The following UPF2 variants were observed in gnomAD, a reference collection of about 807,000 sequenced individuals.
The protein encoded by UPF2 is regulator of nonsense transcripts 2.
UPF2 carries 17 observed loss-of-function variants against 141.4 expected under a neutral mutation model. The observed-to-expected ratio is 0.12, with a 90% confidence interval of 0.08 to 0.18. UPF2 has a LOEUF of 0.18. Ranked by LOEUF, UPF2 falls within the 10% of genes least tolerant of loss-of-function variation. The probability of loss-of-function intolerance (pLI) is 1.00; values close to 1 mark genes in which losing one functional copy is unlikely to be tolerated. For missense variants in UPF2, 1,152 were observed against 1,515.9 expected (o/e 0.76, Z 3.99); for synonymous variants, 540 against 498.0 (o/e 1.08, Z -1.12).
At position 12,014,575 on chromosome 10, in the gene UPF2, T is replaced by TA. The variant is rs1198365398; in HGVS notation, c.1146-392dup. On this transcript the variant is annotated intron_variant, in intron 3 of 21. Coordinates refer to ENST00000357604, the MANE Select transcript of UPF2 (RefSeq NM_015542.4). This position sits in a 1 kb window ranked among gnomAD's most constrained non-coding sequence, Gnocchi z 5.0. ...GGTTATACAAAGAATCAATTATTCT[T>TA]AAACCTCCATGATTTGAATCAGAAA... Among the ~76,000 whole-genome samples the TA allele has an allele frequency of 6.6e-6, 1 of 152,206 alleles. No homozygotes were observed. Among genetic ancestry groups the TA allele is most frequent in the Non-Finnish European group, 1.5e-5 (1 of 68,022 alleles).
intron 3 of UPF2, 100 bp downstream of exon 3, chr10:12,028,633 ACCTGTAAGGAGC>A: frequency 9.3e-7 from 1 of 1,069,658 alleles, no homozygotes; most frequent in Non-Finnish European, 1.3e-6. Flanking sequence ...TTAAGAAATC[ACCTGTAAGGAGC>A]CCTTTTCCAT....
At position 11,965,349 on chromosome 10, in the gene UPF2, T is replaced by A. The variant is rs552708385; in HGVS notation, c.2068-1224A>T. 4.6e-5 allele frequency among the ~76,000 whole-genome samples: 7 copies of A among 152,362 alleles called. No individual in the cohort carries two copies. In the East Asian group the frequency reaches 1.3e-3, roughly 29 times the overall value. On this transcript the variant is annotated intron_variant, in intron 10 of 21. Coordinates refer to ENST00000357604, the MANE Select transcript of UPF2 (RefSeq NM_015542.4). ...CAGAACATTTTCATAATCCCTTCTATAATGCTATCTGGAATTTACCTAAAT... is the reference window on the plus strand; with the variant it reads ...CAGAACATTTTCATAATCCCTTCTAAAATGCTATCTGGAATTTACCTAAAT...
rs541233909 is a variant in UPF2 at position 11,956,146 on chromosome 10, CAAA to C, written c.2574+171_2574+173del. On this transcript the variant is annotated intron_variant, in intron 13 of 21. Transcript: ENST00000357604. The surrounding 1 kb of genome is among the most constrained non-coding windows in gnomAD (Gnocchi z 4.2). Reference sequence around the variant, plus strand: ...TGGGTGACACAGCGAGACTCAGTCTCAAAAAAAAAAAAAAAAGAGGAAAGTGTT... The same window carrying C: ...TGGGTGACACAGCGAGACTCAGTCTCAAAAAAAAAAAAAGAGGAAAGTGTT... Among the ~76,000 whole-genome samples, 2 of 85,556 alleles carry C rather than the reference CAAA, an allele frequency of 2.3e-5. No individual in the cohort carries two copies. 56.1% of individuals were successfully genotyped at this position (85,556 alleles called of 152,430 possible).
At chr10:11,962,916 G>A (rs574620330) in intron 11 of UPF2, among the ~76,000 whole-genome samples, 96 of 152,186 alleles carry the variant, frequency 6.3e-4, no homozygotes, top group African/African-American at 2.2e-3. Flanking sequence ...TAAATTAGGT[G>A]CCTCTTCTAC....
At position 11,998,087 on chromosome 10, in the gene UPF2, G is replaced by A. The variant is rs935030630; in HGVS notation, c.1759-330C>T. Among the ~76,000 whole-genome samples, 6 of 152,138 alleles carry A rather than the reference G, an allele frequency of 3.9e-5. No individual in the cohort carries two copies. Among genetic ancestry groups the A allele is most frequent in the East Asian group, 1.9e-4 (1 of 5,198 alleles). On this transcript the variant is annotated intron_variant, in intron 7 of 21. Transcript: ENST00000357604. The surrounding 1 kb of genome is among the most constrained non-coding windows in gnomAD (Gnocchi z 4.5). The stretch of plus-strand genomic sequence containing the variant: ...ACATTCACTAAAAAAGTTTAGTGTC[G>A]ACAGTCAGATTTGGTAATGTTAGGG...
chr10:11,935,113 T>C lies in UPF2; in HGVS notation c.3546+1432A>G, dbSNP rs1345979861. 6.6e-6 allele frequency among the ~76,000 whole-genome samples: 1 copy of C among 152,190 alleles called. No individual in the cohort carries two copies. Among genetic ancestry groups the C allele is most frequent in the African/African-American group, 2.4e-5 (1 of 41,454 alleles). On this transcript the variant is annotated intron_variant, in intron 19 of 21. Transcript: ENST00000357604. This position sits in a 1 kb window ranked among gnomAD's most constrained non-coding sequence, Gnocchi z 4.9. ...GTGCTAGTGGGGAGGACATCTCAGA[T>C]GCAACTTATTGTAGGGTCTTCCCTG...
intron 15 of UPF2, among the ~76,000 whole-genome samples, chr10:11,950,438 G>A (rs1236750431): frequency 6.6e-6 from 1 of 152,194 alleles, no homozygotes; most frequent in African/African-American, 2.4e-5. Context: ...GGAGTGCACT[G>A]ATTGCGGCCG....
rs1373063148 is a variant in UPF2, at chr10:11,939,897, A to G, written c.3378+2768T>C. On this transcript the variant is annotated intron_variant, in intron 18 of 21. Coordinates refer to ENST00000357604, the MANE Select transcript of UPF2 (RefSeq NM_015542.4). This position sits in a 1 kb window ranked among gnomAD's most constrained non-coding sequence, Gnocchi z 4.8. ...TTTGCTTATTCTTACAGATGTTTTA[A>G]GAAATAATTTTAAATTCATTCTGCA... 1.3e-5 allele frequency among the ~76,000 whole-genome samples: 2 copies of G among 152,208 alleles called. No homozygotes were observed. The highest frequency in any genetic ancestry group is 4.8e-5 in the African/African-American group (2 of 41,456).
intron 18 of UPF2, among the ~76,000 whole-genome samples, chr10:11,938,853 G>GCTTTTTT (rs1832889411): frequency 1.3e-5 from 1 of 79,816 alleles, no homozygotes; most frequent in African/African-American, 5.0e-5. Flanking sequence ...TTTTTTTTTT[G>GCTTTTTT]TTTTTTTTTT....
chr10:12,034,981 T>C (rs1263949265), intron 2 of UPF2, 78 bp downstream of exon 2: 1 of 1,503,358 alleles, frequency 6.7e-7, no homozygotes, highest in Non-Finnish European at 8.8e-7. Context: ...GGACGCTATA[T>C]TTCAAATAAT....
rs989834152 is a variant in UPF2 at position 12,014,281 on chromosome 10, C to A, written c.1146-97G>T. Reference sequence around the variant, plus strand: ...CATTCCATAATTTGATTTTCTCATACAAATTTAGTAAAATCTTCATTTTTA... The same window carrying A: ...CATTCCATAATTTGATTTTCTCATAAAAATTTAGTAAAATCTTCATTTTTA... On this transcript the variant is annotated intron_variant, in intron 3 of 21. Transcript: ENST00000357604. The surrounding 1 kb of genome is among the most constrained non-coding windows in gnomAD (Gnocchi z 5.0). 1.7e-6 allele frequency: 2 copies of A among 1,164,640 alleles called. No homozygotes were observed. The highest frequency in any genetic ancestry group is 2.2e-6 in the Non-Finnish European group (2 of 907,082). The allele number at this position is 1,164,640 out of a possible 1,614,324, so 72.1% of individuals were successfully genotyped here.
chr10:12,019,358 A>G lies in UPF2; in HGVS notation c.1146-5174T>C, dbSNP rs1256767442. ...ACTTCAAATCATTTTCATGCTTCCCAAAACATTCTACTTTTGACTATTTTT... is the reference window on the plus strand; with the variant it reads ...ACTTCAAATCATTTTCATGCTTCCCGAAACATTCTACTTTTGACTATTTTT... On this transcript the variant is annotated intron_variant, in intron 3 of 21. Transcript: ENST00000357604. This position sits in a 1 kb window ranked among gnomAD's most constrained non-coding sequence, Gnocchi z 4.5. Among the ~76,000 whole-genome samples, 2 of 152,254 alleles carry G rather than the reference A, an allele frequency of 1.3e-5. No individual in the cohort carries two copies. Among genetic ancestry groups the G allele is most frequent in the African/African-American group, 4.8e-5 (2 of 41,476 alleles).
chr10:12,041,705 T>C (rs1834736842), intron 1 of UPF2, among the ~76,000 whole-genome samples: 1 of 152,202 alleles, frequency 6.6e-6, no homozygotes. Context: ...ATCTCCCAGT[T>C]TCTGACTTTA....
At chr10:12,010,678 A>T (rs1029044787) in intron 4 of UPF2, among the ~76,000 whole-genome samples, 1 of 152,186 alleles carries the variant, frequency 6.6e-6, no homozygotes, top group Non-Finnish European at 1.5e-5. Context: ...ATTGAAAAAT[A>T]AAGGTCAAGA....
At chr10:11,958,150 C>T (rs797019168) in intron 12 of UPF2, among the ~76,000 whole-genome samples, 7 of 152,138 alleles carry the variant, frequency 4.6e-5, no homozygotes, top group East Asian at 1.9e-4. Flanking sequence ...CCCAGGAGTT[C>T]GAGACCAGCC....
chr10:11,928,462 C>G (rs907555558), intron 21 of UPF2, among the ~76,000 whole-genome samples: 1 of 152,106 alleles, frequency 6.6e-6, no homozygotes, highest in African/African-American at 2.4e-5. Flanking sequence ...GTAATCCCAA[C>G]ACTTTGGGAG....
intron 9 of UPF2, among the ~76,000 whole-genome samples, chr10:11,973,641 A>C (rs1009537677): frequency 6.6e-5 from 10 of 152,212 alleles, no homozygotes; most frequent in Non-Finnish European, 1.5e-4. Context: ...TTAAATAGGG[A>C]ATCCTTTCCC....
At chr10:11,990,881 G>T in intron 8 of UPF2, among the ~76,000 whole-genome samples, 1 of 147,362 alleles carries the variant, frequency 6.8e-6, no homozygotes, top group East Asian at 2.0e-4. Context: ...TCAGCTACTT[G>T]GTAGGCTGAG....
At chr10:12,007,607 G>T (rs986057891) in intron 4 of UPF2, among the ~76,000 whole-genome samples, 1 of 151,992 alleles carries the variant, frequency 6.6e-6, no homozygotes, top group East Asian at 1.9e-4. Flanking sequence ...GCGGCAGGTG[G>T]ATAACGAGGT....
Sources: gnomAD v4.1 joint callset for allele counts (sites outside exome capture counted in the v4.1 genomes callset) on GRCh38, gnomAD v4.1.1 for gene constraint, Gnocchi (gnomAD v3.1) non-coding constraint, MANE v1.5 for transcripts, NCBI Gene and HGNC (gene_info 2026-07-23, HGNC 2026-07-21) for gene names.